GNA14: variants seen among roughly 807,000 people sequenced by gnomAD.
GNA14 encodes G protein subunit alpha 14, also known as guanine nucleotide-binding protein subunit alpha-14.
A neutral mutation model predicts 42.0 loss-of-function variants in GNA14; 50 were observed. That is an observed-to-expected ratio of 1.19 (90% CI 0.95 to 1.51). The LOEUF (loss-of-function observed/expected upper bound fraction) is 1.51. GNA14 is among the 40% of genes most tolerant of loss of function. The pLI, the probability that GNA14 is intolerant of heterozygous loss-of-function variation, is 0.00. For missense variants in GNA14, 473 were observed against 446.2 expected (o/e 1.06, Z -0.54); for synonymous variants, 173 against 163.1 (o/e 1.06, Z -0.46).
chr9:77,564,296 TAA>T (rs71358612), intron 1 of GNA14, among the ~76,000 whole-genome samples: 1 of 134,784 alleles, frequency 7.4e-6, no homozygotes, highest in African/African-American at 2.7e-5. Context: ...CAGCACAATT[TAA>T]AAAAAAAAAA....
chr9:77,623,723 G>C (rs1272117113), intron 1 of GNA14, among the ~76,000 whole-genome samples: 1 of 152,158 alleles, frequency 6.6e-6, no homozygotes, highest in Non-Finnish European at 1.5e-5. Context: ...CATGAGGAAC[G>C]GTGCATTCTG....
intron 2 of GNA14, among the ~76,000 whole-genome samples, chr9:77,523,326 C>T (rs183709139): frequency 4.7e-4 from 72 of 152,180 alleles, no homozygotes; most frequent in Admixed American, 2.7e-3. Context: ...CAATCATGGC[C>T]GAAGGTGAAG....
intron 1 of GNA14, among the ~76,000 whole-genome samples, chr9:77,608,090 G>C (rs561419133): frequency 2.6e-5 from 4 of 152,188 alleles, no homozygotes; most frequent in Non-Finnish European, 5.9e-5. Flanking sequence ...GACGGCCCCA[G>C]AGCCAAGGGC....
intron 2 of GNA14, among the ~76,000 whole-genome samples, chr9:77,494,805 T>C (rs1321126386): frequency 7.5e-6 from 1 of 133,710 alleles, no homozygotes; most frequent in African/African-American, 2.6e-5. Flanking sequence ...TGTTTTGTTT[T>C]GTTTTGTTTT....
chr9:77,478,109 G>C (rs1344413768), intron 2 of GNA14, among the ~76,000 whole-genome samples: 1 of 151,268 alleles, frequency 6.6e-6, no homozygotes, highest in Non-Finnish European at 1.5e-5. Context: ...TATGTGCCAT[G>C]TTGGTGTGCT....
At chr9:77,457,798 A>G (rs1836029355) in intron 2 of GNA14, among the ~76,000 whole-genome samples, 1 of 152,178 alleles carries the variant, frequency 6.6e-6, no homozygotes, top group Non-Finnish European at 1.5e-5. Context: ...GTTCTCCCTC[A>G]ACACCAAAGC....
At position 77,434,533 on chromosome 9, in the gene GNA14, G is replaced by A. The variant is rs1564012956; in HGVS notation, c.310-11C>T. The A allele has an allele frequency of 6.2e-7, 1 of 1,610,678 alleles. No homozygotes were observed. On this transcript the variant is annotated splice_polypyrimidine_tract_variant and intron_variant, in intron 2 of 6. Transcript: ENST00000341700. Reference sequence around the variant, plus strand: ...TATCTGGGCATTTTCCTACTCAAAGGAAAGAGAACCTTGCATCAGGCAAAG... The same window carrying A: ...TATCTGGGCATTTTCCTACTCAAAGAAAAGAGAACCTTGCATCAGGCAAAG...
chr9:77,435,980 G>T (rs957338378), intron 2 of GNA14, among the ~76,000 whole-genome samples: 5 of 152,182 alleles, frequency 3.3e-5, no homozygotes, highest in African/African-American at 1.2e-4. Context: ...CCATCTGCTT[G>T]GTAGCTGGGA....
chr9:77,614,987 T>C (rs1006714378), intron 1 of GNA14, among the ~76,000 whole-genome samples: 2 of 152,198 alleles, frequency 1.3e-5, no homozygotes, highest in Admixed American at 1.3e-4. Context: ...GTTATGAACT[T>C]GGAAAGACCA....
Position 77,546,203 on chromosome 9 carries a change from C to T in GNA14, c.125-16950G>A, listed in dbSNP as rs557223740. Among the ~76,000 whole-genome samples, 225 of 119,222 alleles carry T rather than the reference C, an allele frequency of 1.9e-3. 1 individual carries two copies. The highest frequency in any genetic ancestry group is 7.4e-3 in the African/African-American group (211 of 28,442). The allele number at this position is 119,222 out of a possible 152,430, so 78.2% of individuals were successfully genotyped here. On this transcript the variant is annotated intron_variant, in intron 1 of 6. Transcript: ENST00000341700. ...CTGCACTCCAGCCTGGGTGACAGAG[C>T]GAGCTCCATCTCAAAAAAAAAAAAA...
intron 1 of GNA14, among the ~76,000 whole-genome samples, chr9:77,582,930 G>GTC (rs1823247502): frequency 6.6e-6 from 1 of 152,302 alleles, no homozygotes; most frequent in African/African-American, 2.4e-5. Context: ...CTGATTAATG[G>GTC]AAACCTCACT....
intron 2 of GNA14, among the ~76,000 whole-genome samples, chr9:77,486,198 G>T (rs1836657434): frequency 6.6e-6 from 1 of 152,190 alleles, no homozygotes; most frequent in Non-Finnish European, 1.5e-5. Context: ...TTCTCCATCA[G>T]CACCTGCTGT....
chr9:77,538,462 G>A (rs1021457391), intron 1 of GNA14, among the ~76,000 whole-genome samples: 18 of 151,906 alleles, frequency 1.2e-4, no homozygotes, highest in African/African-American at 2.7e-4. Context: ...TTCTCATGCC[G>A]TGAAATATGA....
intron 1 of GNA14, among the ~76,000 whole-genome samples, chr9:77,550,460 G>T (rs1837774888): frequency 6.6e-6 from 1 of 152,302 alleles, no homozygotes; most frequent in South Asian, 2.1e-4. Context: ...CTCTGAGTTA[G>T]CCAGTTTCTG....
chr9:77,516,588 T>G (rs757041029), intron 2 of GNA14, among the ~76,000 whole-genome samples: 49 of 152,190 alleles, frequency 3.2e-4, no homozygotes, highest in Middle Eastern at 6.8e-3. Context: ...TAGATGGGTG[T>G]GGTGGTGTGC....
intron 2 of GNA14, among the ~76,000 whole-genome samples, chr9:77,448,009 T>C (rs1835850115): frequency 6.6e-6 from 1 of 152,230 alleles, no homozygotes; most frequent in African/African-American, 2.4e-5. Context: ...AACATTTGTA[T>C]GATGCCAGTG....
At chr9:77,480,622 G>C (rs1371831763) in intron 2 of GNA14, among the ~76,000 whole-genome samples, 1 of 152,194 alleles carries the variant, frequency 6.6e-6, no homozygotes, top group Non-Finnish European at 1.5e-5. Context: ...CAGAAGGAAT[G>C]GTACCAGCTC....
chr9:77,622,256 G>C (rs73462080), intron 1 of GNA14, among the ~76,000 whole-genome samples: 2,436 of 152,228 alleles, frequency 0.016, 75 homozygotes, highest in African/African-American at 0.056. Context: ...ACAACAACAA[G>C]AAGAAATGAG....
In GNA14 at chr9:77,526,101, G is replaced by T. The variant is rs1199385944; in HGVS notation, c.309+2968C>A. ...ATTTTTTTTTTTTTTTTTGGAGATGGGGTTTCACCATGTTACCCAGGCTGA... is the reference window on the plus strand; with the variant it reads ...ATTTTTTTTTTTTTTTTTGGAGATGTGGTTTCACCATGTTACCCAGGCTGA... On this transcript the variant is annotated intron_variant, in intron 2 of 6. Transcript: ENST00000341700. 4.1e-5 allele frequency among the ~76,000 whole-genome samples: 6 copies of T among 147,296 alleles called. No individual in the cohort carries two copies. The East Asian group carries it at 1.2e-3, about 29-fold the overall frequency.
Sources: gnomAD v4.1 joint callset for allele counts (sites outside exome capture counted in the v4.1 genomes callset) on GRCh38, gnomAD v4.1.1 for gene constraint, MANE v1.5 for transcripts, NCBI Gene and HGNC (gene_info 2026-07-23, HGNC 2026-07-21) for gene names.